Variants in AGR3 observed in about 807,000 individuals in gnomAD.
AGR3 encodes anterior gradient 3, protein disulphide isomerase family member, also known as anterior gradient protein 3.
A neutral mutation model predicts 24.5 loss-of-function variants in AGR3; 37 were observed. The ratio of observed to expected loss-of-function variants is 1.51; its 90% confidence interval spans 1.16 to 1.99. The LOEUF (loss-of-function observed/expected upper bound fraction) is 1.99, where lower values mean the gene tolerates loss of function less well. Ranked by LOEUF, AGR3 falls within the 30% of genes most tolerant of loss-of-function variation. The pLI, the probability that AGR3 is intolerant of heterozygous loss-of-function variation, is 0.00. For missense variants in AGR3, 228 were observed against 191.1 expected (o/e 1.19, Z -1.14); for synonymous variants, 75 against 61.6 (o/e 1.22, Z -1.02).
chr7:16,865,643 ATCT>A, intron 3 of AGR3: 1 of 777,662 alleles, frequency 1.3e-6, no homozygotes, highest in Non-Finnish European at 2.3e-6. Context: ...AACCAGAATT[ATCT>A]TCTTATCAGT....
At chr7:16,872,705 C>T (rs969598870) in intron 3 of AGR3, among the ~76,000 whole-genome samples, 26 of 152,030 alleles carry the variant, frequency 1.7e-4, no homozygotes, top group African/African-American at 6.3e-4. Flanking sequence ...ACTATTCATT[C>T]GACATGGGCC....
intron 3 of AGR3, chr7:16,866,357 A>T: frequency 2.6e-6 from 1 of 383,456 alleles, no homozygotes; most frequent in Non-Finnish European, 5.4e-6. Flanking sequence ...GTAGTACATT[A>T]AACTATAATT....
rs560164170 is a variant in AGR3 at position 16,881,354 on chromosome 7, G to A, written c.-28+590C>T. ...ATTAAATATATTCTGTGACAAAGCA[G>A]TACAACTTGTACACTGTAGATTTTG... On this transcript the variant is annotated intron_variant, in intron 1 of 7. Transcript: ENST00000310398. 6.6e-5 allele frequency among the ~76,000 whole-genome samples: 10 copies of A among 152,262 alleles called. No homozygotes were observed. The South Asian group carries it at 1.0e-3, about 16-fold the overall frequency.
At chr7:16,881,542 C>A (rs1433809956) in intron 1 of AGR3, among the ~76,000 whole-genome samples, 2 of 151,960 alleles carry the variant, frequency 1.3e-5, no homozygotes, top group East Asian at 3.8e-4. Context: ...CATATGTCAG[C>A]AATTAGATTG....
chr7:16,867,107 C>T (rs2115305084), intron 3 of AGR3, among the ~76,000 whole-genome samples: 1 of 152,216 alleles, frequency 6.6e-6, no homozygotes, highest in African/African-American at 2.4e-5. Context: ...TCCCCTATTC[C>T]AAGCATTTAA....
Position 16,860,551 on chromosome 7 carries a change from C to T in AGR3, c.400G>A (p.Gly134Arg). The T allele has an allele frequency of 6.2e-7, 1 of 1,613,740 alleles. No homozygotes were observed. Among genetic ancestry groups the T allele is most frequent in the Non-Finnish European group, 8.5e-7 (1 of 1,179,778 alleles). Residue 134 changes from glycine to arginine, a missense_variant, in exon 7 of 8, where the codon GGA (glycine) becomes AGA (arginine). By Grantham distance (125) the Gly-to-Arg change is moderately radical. Coordinates refer to ENST00000310398, the MANE Select transcript of AGR3 (RefSeq NM_176813.5). ...PSLTVRADIA[G>R]RYSNRLYTYE... ...GTGTACAATCTGTTAGAGTATCTTC[C>T]AGCTATGTCAGCTCTAACTGTTAAA...
Position 16,859,446 on chromosome 7 carries a change from T to C in AGR3, c.*136A>G, listed in dbSNP as rs981949065. 4 of 625,980 alleles carry C rather than the reference T, an allele frequency of 6.4e-6. No individual in the cohort carries two copies. In the African/African-American group the frequency reaches 7.4e-5, roughly 12 times the overall value. The allele number at this position is 625,980 out of a possible 1,614,324, so 38.8% of individuals were successfully genotyped here. On this transcript the variant is annotated 3_prime_UTR_variant, in exon 8 of 8. Coordinates refer to ENST00000310398, the MANE Select transcript of AGR3 (RefSeq NM_176813.5). ...AAAAACATTTATTTTAATAAGACTA[T>C]TGCAAACACATTAAAAAAACTAAAT...
intron 3 of AGR3, among the ~76,000 whole-genome samples, chr7:16,863,946 TG>T (rs1436710966): frequency 5.3e-5 from 8 of 152,166 alleles, no homozygotes; most frequent in Non-Finnish European, 1.2e-4. Flanking sequence ...ATAAAGTTTT[TG>T]CATTCTGAAT....
intron 3 of AGR3, among the ~76,000 whole-genome samples, chr7:16,870,792 C>T (rs1427425564): frequency 6.6e-6 from 1 of 152,070 alleles, no homozygotes; most frequent in Non-Finnish European, 1.5e-5. Context: ...GTGCTCCTTA[C>T]TAATATGTTG....
intron 3 of AGR3, chr7:16,865,363 C>G (rs914958691): frequency 7.0e-6 from 8 of 1,146,976 alleles, no homozygotes; most frequent in Admixed American, 1.8e-5. Flanking sequence ...TTGTCAGGGA[C>G]AGTAATTTTT....
At chr7:16,859,675 G>T in intron 7 of AGR3, 44 bp from the exon 8 acceptor site, 1 of 1,265,934 alleles carries the variant, frequency 7.9e-7, no homozygotes, top group Non-Finnish European at 1.1e-6. Context: ...ATAAATGAAA[G>T]TACAAATGCT....
downstream of AGR3, among the ~76,000 whole-genome samples, chr7:16,855,662 A>C (rs1447561650): frequency 6.6e-6 from 1 of 152,236 alleles, no homozygotes; most frequent in Non-Finnish European, 1.5e-5. Context: ...CGCAAAAAAC[A>C]AATTTTAAAA....
chr7:16,870,939 T>G (rs1781853865), intron 3 of AGR3, among the ~76,000 whole-genome samples: 1 of 152,148 alleles, frequency 6.6e-6, no homozygotes, highest in South Asian at 2.1e-4. Context: ...AGAATGTTCT[T>G]TAGATATTTC....
downstream of AGR3, among the ~76,000 whole-genome samples, chr7:16,857,739 C>T (rs1006581988): frequency 6.6e-5 from 10 of 151,880 alleles, no homozygotes; most frequent in South Asian, 2.1e-4. Context: ...AATCATGTAA[C>T]CTATTTATAT....
rs1439771557 is a variant in AGR3 at position 16,880,412 on chromosome 7, C to T, written c.-28+1532G>A. On this transcript the variant is annotated intron_variant, in intron 1 of 7. Coordinates refer to ENST00000310398, the MANE Select transcript of AGR3 (RefSeq NM_176813.5). ...CTGACCTCAAATGATCCAACTGCTT[C>T]GGCCTCCCAAAGTGCTGGGATTACA... Among the ~76,000 whole-genome samples the T allele has an allele frequency of 5.3e-5, 8 of 151,926 alleles. No individual in the cohort carries two copies. In the South Asian group the frequency reaches 6.2e-4, roughly 12 times the overall value.
chr7:16,865,586 T>C, intron 3 of AGR3: 1 of 721,460 alleles, frequency 1.4e-6, no homozygotes, highest in African/African-American at 1.7e-5. Flanking sequence ...TCCTTAGAAC[T>C]TCATGTAAAG....
chr7:16,867,823 TG>T (rs1043110395), intron 3 of AGR3, among the ~76,000 whole-genome samples: 9 of 152,196 alleles, frequency 5.9e-5, no homozygotes, highest in African/African-American at 2.2e-4. Context: ...ACAGTGAACA[TG>T]GGAGTGCAGA....
chr7:16,865,185 G>GT (rs1323623498), intron 3 of AGR3: 26 of 749,384 alleles, frequency 3.5e-5, no homozygotes, highest in Admixed American at 6.6e-5. Context: ...AACCCTATCA[G>GT]TTTTTTTTCT....
At chr7:16,878,054 C>T (rs995169209) in intron 2 of AGR3, among the ~76,000 whole-genome samples, 1 of 151,838 alleles carries the variant, frequency 6.6e-6, no homozygotes, top group South Asian at 2.1e-4. Flanking sequence ...TTAGTTACCC[C>T]GAATTCTCAG....
Sources: gnomAD v4.1 joint callset for allele counts (sites outside exome capture counted in the v4.1 genomes callset) on GRCh38, gnomAD v4.1.1 for gene constraint, MANE v1.5 for transcripts, NCBI Gene and HGNC (gene_info 2026-07-23, HGNC 2026-07-21) for gene names.